ZFHX3: variants seen among roughly 807,000 people sequenced by gnomAD.
ZFHX3 encodes the protein zinc finger homeobox 3, also known as zinc finger homeobox protein 3.
Under a neutral mutation model 279.1 loss-of-function variants are expected in ZFHX3, and 42 were observed. That is an observed-to-expected ratio of 0.15 (90% CI 0.12 to 0.19). ZFHX3 has a LOEUF of 0.19. Ranked by LOEUF, ZFHX3 falls within the 10% of genes least tolerant of loss-of-function variation. The pLI is 1.00. For missense variants in ZFHX3, 4,981 were observed against 4,754.0 expected (o/e 1.05, Z -1.40); for synonymous variants, 2,293 against 1,957.8 (o/e 1.17, Z -4.52).
intron 1 of ZFHX3, among the ~76,000 whole-genome samples, chr16:73,728,340 A>C (rs2053539687): frequency 6.6e-6 from 1 of 152,190 alleles, no homozygotes; most frequent in African/African-American, 2.4e-5. Flanking sequence ...TCTAGCCTCC[A>C]GAACTGCAAG....
chr16:73,611,662 T>C (rs540209480), intron 2 of ZFHX3, among the ~76,000 whole-genome samples: 48 of 152,358 alleles, frequency 3.2e-4, no homozygotes, highest in East Asian at 9.6e-4. Flanking sequence ...TTCTGGCAAT[T>C]GTGTGCAAAC....
rs774767556 is a variant in ZFHX3 at position 72,959,333 on chromosome 16, G to C, written c.813C>G (p.Gly271=). 10 of 1,614,248 alleles carry C rather than the reference G, an allele frequency of 6.2e-6. No individual in the cohort carries two copies. Among genetic ancestry groups the C allele is most frequent in the Non-Finnish European group, 8.5e-6 (10 of 1,180,044 alleles). The change falls in exon 2 of 10, where the codon GGC becomes GGG. Residue 271 remains glycine (G), a synonymous_variant. Coordinates refer to ENST00000268489, the MANE Select transcript of ZFHX3 (RefSeq NM_006885.4). The part of the protein sequence containing the change: ...PNNVDLSKFD[G]FVLYGKRKPI... ...GCTTCCTCTTGCCATAGAGCACAAA[G>C]CCATCGAATTTGGACAGGTCCACAT...
chr16:73,323,309 T>G (rs2015618493), intron 3 of ZFHX3, among the ~76,000 whole-genome samples: 1 of 152,116 alleles, frequency 6.6e-6, no homozygotes, highest in Admixed American at 6.6e-5. Context: ...AGAATAACCA[T>G]CCAGCTAGGA....
intron 1 of ZFHX3, among the ~76,000 whole-genome samples, chr16:73,838,841 A>G (rs149814708): frequency 9.9e-5 from 15 of 152,120 alleles, no homozygotes; most frequent in Admixed American, 3.9e-4. Flanking sequence ...AATGAACTGG[A>G]GTTCTCTGAA....
chr16:73,142,751 G>A (rs190757617), intron 6 of ZFHX3, among the ~76,000 whole-genome samples: 9 of 151,948 alleles, frequency 5.9e-5, no homozygotes, highest in Admixed American at 2.6e-4. Context: ...TTCATTGAAT[G>A]ATTATAGGCA....
At chr16:73,215,858 GGT>G (rs149831105) in intron 5 of ZFHX3, among the ~76,000 whole-genome samples, 2 of 151,846 alleles carry the variant, frequency 1.3e-5, no homozygotes, top group East Asian at 1.9e-4. Flanking sequence ...GGGAGAGAGA[GGT>G]GTGTGTGTGT....
At chr16:73,015,185 T>G (rs1418778359) in intron 1 of ZFHX3, 1 of 151,898 alleles carries the variant, frequency 6.6e-6, no homozygotes, top group Non-Finnish European at 1.5e-5. Context: ...TAGCTGGGAC[T>G]ACAGACGCCT....
chr16:72,967,433 C>T (rs2144495672), intron 1 of ZFHX3, among the ~76,000 whole-genome samples: 1 of 151,850 alleles, frequency 6.6e-6, no homozygotes, highest in East Asian at 1.9e-4. Flanking sequence ...TGTAACATAA[C>T]AATCCCCAAG....
chr16:73,358,273 T>C (rs1441100001), intron 3 of ZFHX3, among the ~76,000 whole-genome samples: 1 of 152,204 alleles, frequency 6.6e-6, no homozygotes, highest in South Asian at 2.1e-4. Flanking sequence ...TTCTAATGGA[T>C]AGAATATGGC....
At chr16:73,176,975 G>A (rs1652013355) in intron 5 of ZFHX3, among the ~76,000 whole-genome samples, 1 of 152,098 alleles carries the variant, frequency 6.6e-6, no homozygotes, top group African/African-American at 2.4e-5. Flanking sequence ...GAAGCAAGCT[G>A]ATTTCATCAG....
intron 1 of ZFHX3, among the ~76,000 whole-genome samples, chr16:73,743,190 T>TAA (rs1013608096): frequency 3.9e-5 from 6 of 152,210 alleles, no homozygotes; most frequent in Non-Finnish European, 7.3e-5. Context: ...TTGGTTCTTA[T>TAA]AAACAGATAG....
Position 72,957,881 on chromosome 16 carries a change from C to T in ZFHX3, c.2265G>A (p.Gln755=). 1.9e-6 allele frequency: 3 copies of T among 1,614,066 alleles called. No individual in the cohort carries two copies. In the Admixed American group the frequency reaches 5.0e-5, roughly 27 times the overall value. The stretch of plus-strand genomic sequence containing the variant: ...GCTCCCCCCCTCCATTCTGCAGGTT[C>T]TGCATGTTGTTGAGATGCTTGTCAG... The part of the protein sequence containing the change: ...MQSDKHLNNM[Q]NLQNGGGEQV... Residue 755 remains glutamine (Q), a synonymous_variant, in exon 2 of 10, where the codon CAG becomes CAA. Coordinates refer to ENST00000268489, the MANE Select transcript of ZFHX3 (RefSeq NM_006885.4).
chr16:73,349,648 CTCTCCCT>C (rs1336409300), intron 3 of ZFHX3, among the ~76,000 whole-genome samples: 1 of 19,780 alleles, frequency 5.1e-5, no homozygotes, highest in African/African-American at 1.4e-4. Context: ...CTCCCTCCCT[CTCTCCCT>C]CCTTCCCTCT....
At chr16:73,166,469 G>A (rs539316718) in intron 5 of ZFHX3, among the ~76,000 whole-genome samples, 45 of 152,260 alleles carry the variant, frequency 3.0e-4, no homozygotes, top group African/African-American at 9.6e-4. Context: ...ATGCTTTAAG[G>A]AAGTTATGGC....
chr16:72,973,315 C>G (rs1200903811), intron 1 of ZFHX3: 1 of 152,224 alleles, frequency 6.6e-6, no homozygotes, highest in African/African-American at 2.4e-5. Flanking sequence ...CTTCCCCATC[C>G]AAGAAACAAC....
At chr16:73,663,068 A>T (rs1269458684) in intron 2 of ZFHX3, among the ~76,000 whole-genome samples, 4 of 152,230 alleles carry the variant, frequency 2.6e-5, no homozygotes, top group African/African-American at 7.2e-5. Flanking sequence ...CCAAAAAAAT[A>T]AAATAAAATA....
rs190092289 is a variant in ZFHX3, at chr16:73,240,249, T to A, written c.-1104+16798A>T. On this transcript the variant is annotated intron_variant, in intron 5 of 17. Transcript: ENST00000641206. ...TTTCTTTTTTTTTTTGAGACAGTCT[T>A]GCTCTGTCACCCAGGCTGGAGTGCA... is the stretch of plus-strand genomic sequence containing the variant. 3.2e-3 allele frequency among the ~76,000 whole-genome samples: 487 copies of A among 151,854 alleles called. 9 individuals are homozygous for A. The South Asian group carries it at 0.045, about 14-fold the overall frequency.
At chr16:73,094,504 C>T (rs970571166) in intron 7 of ZFHX3, 2 of 151,832 alleles carry the variant, frequency 1.3e-5, no homozygotes, top group African/African-American at 4.8e-5. Flanking sequence ...CTGCCCAATA[C>T]ATGCCTGTGT....
At chr16:73,233,196 T>C (rs186171266) in intron 5 of ZFHX3, 3 of 150,168 alleles carry the variant, frequency 2.0e-5, no homozygotes, top group Non-Finnish European at 4.4e-5. Context: ...CCGACGGGAA[T>C]TGCTCGATGT....
Sources: allele counts gnomAD v4.1 joint callset (sites outside exome capture counted in the v4.1 genomes callset), GRCh38; gene constraint gnomAD v4.1.1; transcripts MANE v1.5; gene names NCBI Gene and HGNC (gene_info 2026-07-23, HGNC 2026-07-21).